ST18: variants seen among roughly 807,000 people sequenced by gnomAD.
The protein encoded by ST18 is ST18 C2H2C-type zinc finger transcription factor, also known as suppression of tumorigenicity 18 protein.
In ST18, 50 loss-of-function variants were observed where a neutral mutation model predicts 110.0. The observed-to-expected ratio is 0.45, with a 90% CI of 0.36 to 0.58. The LOEUF (loss-of-function observed/expected upper bound fraction) is 0.58. Among genes scored for constraint, ST18 ranks in the 20% least tolerant of loss-of-function variants. ST18 has a pLI of 0.00. For missense variants in ST18, 1,306 were observed against 1,280.1 expected, an observed-to-expected ratio of 1.02 and a Z score of -0.31; for synonymous variants, 461 against 452.4, an observed-to-expected ratio of 1.02 and a Z score of -0.24.
At chr8:52,244,660 G>A (rs762188072) in intron 2 of ST18, among the ~76,000 whole-genome samples, 29 of 152,142 alleles carry the variant, frequency 1.9e-4, no homozygotes, top group East Asian at 9.7e-4. Flanking sequence ...GCAGATGACC[G>A]CCCTTATTTG....
intron 2 of ST18, chr8:52,405,323 A>G (rs1245156055): frequency 2.0e-5 from 3 of 151,950 alleles, no homozygotes; most frequent in Non-Finnish European, 2.9e-5. Context: ...CTGATTAAGA[A>G]CTCTCCAGCT....
At chr8:52,304,366 C>T (rs1403409038) in intron 2 of ST18, among the ~76,000 whole-genome samples, 1 of 152,126 alleles carries the variant, frequency 6.6e-6, no homozygotes, top group African/African-American at 2.4e-5. Flanking sequence ...ACCATCCTAT[C>T]TGTACTGATA....
At chr8:52,187,451 T>C (rs6988697) in intron 8 of ST18, among the ~76,000 whole-genome samples, 33,812 of 152,210 alleles carry the variant, frequency 0.22, 7,062 homozygotes, top group African/African-American at 0.55. Context: ...TATCATACTA[T>C]TCAATGATTT....
rs11778178 is a variant in ST18 at position 52,379,102 on chromosome 8, C to T, written c.-465+30226G>A. ...AGAATAAAATCTATTTCTTTTCTTT[C>T]TTTTTTTTTTTTTTGAGACAGGGTC... On this transcript the variant is annotated intron_variant, in intron 2 of 25. Coordinates refer to ENST00000689386, the MANE Select transcript of ST18 (RefSeq NM_001352837.2). 2.7e-4 allele frequency among the ~76,000 whole-genome samples: 39 copies of T among 145,604 alleles called. 1 individual carries two copies. The highest frequency in any genetic ancestry group is 3.8e-4 in the Non-Finnish European group (25 of 66,626).
In ST18 at chr8:52,129,678, C is replaced by A. The variant is rs373222500; in HGVS notation, c.2666+2280G>T. On this transcript the variant is annotated intron_variant, in intron 22 of 25. Coordinates refer to ENST00000689386, the MANE Select transcript of ST18 (RefSeq NM_001352837.2). The stretch of plus-strand genomic sequence containing the variant: ...TTAAATATTTTAAATTGCAAGAGAA[C>A]TTTCGAGTCAAGAATGCTGAAATCT... 7.9e-5 allele frequency among the ~76,000 whole-genome samples: 12 copies of A among 152,114 alleles called. No homozygotes were observed. In the East Asian group the frequency reaches 2.3e-3, roughly 29 times the overall value.
chr8:52,247,769 C>G (rs1273369907), intron 2 of ST18, among the ~76,000 whole-genome samples: 1 of 152,088 alleles, frequency 6.6e-6, no homozygotes, highest in Non-Finnish European at 1.5e-5. Context: ...CTTGCTTTTT[C>G]CACGATTTCT....
intron 8 of ST18, among the ~76,000 whole-genome samples, chr8:52,197,888 A>AGCAC (rs957542129): frequency 1.2e-5 from 1 of 80,542 alleles, no homozygotes; most frequent in Non-Finnish European, 2.4e-5. Context: ...AAACAAAATG[A>AGCAC]GCACACACAC....
chr8:52,374,589 T>C (rs1413142933), intron 2 of ST18, among the ~76,000 whole-genome samples: 1 of 152,120 alleles, frequency 6.6e-6, no homozygotes, highest in Non-Finnish European at 1.5e-5. Flanking sequence ...GTTACATAGG[T>C]AAATGTGTGC....
chr8:52,325,895 G>A (rs1264123130), intron 2 of ST18, among the ~76,000 whole-genome samples: 1 of 152,086 alleles, frequency 6.6e-6, no homozygotes, highest in Admixed American at 6.5e-5. Flanking sequence ...CCCATTTGTT[G>A]GAAGTCCCAA....
At chr8:52,374,088 T>A (rs1831249624) in intron 2 of ST18, among the ~76,000 whole-genome samples, 1 of 152,126 alleles carries the variant, frequency 6.6e-6, no homozygotes, top group South Asian at 2.1e-4. Flanking sequence ...AAAGATAACT[T>A]CCAGAGGCTC....
At chr8:52,240,275 A>G (rs752283339) in intron 2 of ST18, among the ~76,000 whole-genome samples, 28 of 152,104 alleles carry the variant, frequency 1.8e-4, no homozygotes, top group Non-Finnish European at 3.1e-4. Context: ...TATCTTTTTA[A>G]TTATACCATG....
intron 8 of ST18, among the ~76,000 whole-genome samples, chr8:52,185,469 A>G (rs1330813417): frequency 6.6e-6 from 1 of 152,210 alleles, no homozygotes; most frequent in African/African-American, 2.4e-5. Context: ...AGCAAAGACA[A>G]TGTTGGAAAA....
chr8:52,342,597 C>G (rs1430358014), intron 2 of ST18, among the ~76,000 whole-genome samples: 1 of 152,200 alleles, frequency 6.6e-6, no homozygotes, highest in Non-Finnish European at 1.5e-5. Flanking sequence ...CAGCACATAT[C>G]AAATTTCAGC....
chr8:52,133,710 A>AATTATTATTATTATT (rs10547451), intron 19 of ST18, among the ~76,000 whole-genome samples: 81 of 147,970 alleles, frequency 5.5e-4, no homozygotes, highest in African/African-American at 2.0e-3. Flanking sequence ...AAGTTTTCCA[A>AATTATTATTATTATT]ATTATTATTA....
intron 8 of ST18, among the ~76,000 whole-genome samples, chr8:52,186,638 A>G (rs887026629): frequency 2.0e-5 from 3 of 152,198 alleles, no homozygotes; most frequent in African/African-American, 7.2e-5. Flanking sequence ...AGTCTCTCCC[A>G]TACCGGAAAC....
chr8:52,343,365 A>G (rs1816088793), intron 2 of ST18, among the ~76,000 whole-genome samples: 2 of 152,092 alleles, frequency 1.3e-5, no homozygotes, highest in South Asian at 4.1e-4. Context: ...CTCCCTTCCT[A>G]CTTTATATGA....
chr8:52,168,347 T>G (rs981564352), intron 10 of ST18, among the ~76,000 whole-genome samples: 1 of 151,362 alleles, frequency 6.6e-6, no homozygotes, highest in Non-Finnish European at 1.5e-5. Context: ...CGGAGCCTCG[T>G]GTGCTCCTGT....
At chr8:52,239,426 G>C (rs144213833) in intron 2 of ST18, among the ~76,000 whole-genome samples, 1 of 152,250 alleles carries the variant, frequency 6.6e-6, no homozygotes, top group East Asian at 1.9e-4. Context: ...CCTGCATGCT[G>C]TTTTAAGAAT....
intron 19 of ST18, among the ~76,000 whole-genome samples, chr8:52,136,228 G>C (rs925273087): frequency 3.3e-5 from 5 of 152,180 alleles, no homozygotes; most frequent in South Asian, 4.1e-4. Flanking sequence ...ATACCCAGCA[G>C]GTTAAGGATT....
Sources: allele counts gnomAD v4.1 joint callset (sites outside exome capture counted in the v4.1 genomes callset), GRCh38; gene constraint gnomAD v4.1.1; transcripts MANE v1.5; gene names NCBI Gene and HGNC (gene_info 2026-07-23, HGNC 2026-07-21).